SLC5A8: variants seen among roughly 807,000 people sequenced by gnomAD.
The protein encoded by SLC5A8 is solute carrier family 5 member 8, also known as sodium-coupled monocarboxylate transporter 1.
Under a neutral mutation model 71.9 loss-of-function variants are expected in SLC5A8, and 55 were observed. That is an observed-to-expected ratio of 0.77 (90% CI 0.62 to 0.96). SLC5A8 has a LOEUF of 0.96. SLC5A8 is among the 40% of genes least tolerant of loss of function. The pLI is 0.00. For missense variants in SLC5A8, 701 were observed against 745.3 expected, an observed-to-expected ratio of 0.94 and a Z score of 0.69; for synonymous variants, 307 against 276.1, an observed-to-expected ratio of 1.11 and a Z score of -1.11.
At chr12:101,176,070 TA>T (rs2051877248) in intron 10 of SLC5A8, among the ~76,000 whole-genome samples, 1 of 151,976 alleles carries the variant, frequency 6.6e-6, no homozygotes, top group African/African-American at 2.4e-5. Context: ...GATGGATTTT[TA>T]AAAAAGACTC....
At chr12:101,177,141 A>C (rs74973782) in intron 10 of SLC5A8, among the ~76,000 whole-genome samples, 1 of 152,150 alleles carries the variant, frequency 6.6e-6, no homozygotes, top group Non-Finnish European at 1.5e-5. Flanking sequence ...ACAACTATAC[A>C]TGTATAAATT....
At chr12:101,165,548 G>C (rs953582842) in intron 12 of SLC5A8, among the ~76,000 whole-genome samples, 1 of 152,056 alleles carries the variant, frequency 6.6e-6, no homozygotes, top group Non-Finnish European at 1.5e-5. Flanking sequence ...TACGCCTCAG[G>C]CTCTGGAACT....
At chr12:101,165,400 A>G (rs2051759758) in intron 12 of SLC5A8, among the ~76,000 whole-genome samples, 1 of 152,110 alleles carries the variant, frequency 6.6e-6, no homozygotes, top group Admixed American at 6.5e-5. Flanking sequence ...TTAACCTTCA[A>G]TTAATCTTTT....
intron 3 of SLC5A8, among the ~76,000 whole-genome samples, chr12:101,200,767 T>C (rs968545265): frequency 1.3e-5 from 2 of 152,122 alleles, no homozygotes; most frequent in African/African-American, 4.8e-5. Flanking sequence ...CATGAGTTGA[T>C]AAATATTAAC....
At chr12:101,172,178 C>G (rs1019909489) in intron 10 of SLC5A8, among the ~76,000 whole-genome samples, 6 of 151,796 alleles carry the variant, frequency 4.0e-5, no homozygotes, top group African/African-American at 1.5e-4. Flanking sequence ...CCAAGTGTCT[C>G]TAGGAGGCAC....
intron 11 of SLC5A8, among the ~76,000 whole-genome samples, chr12:101,167,793 C>A (rs2051787307): frequency 6.6e-6 from 1 of 152,126 alleles, no homozygotes; most frequent in African/African-American, 2.4e-5. Flanking sequence ...TCTTTTAAAT[C>A]CTAGCTATTA....
At chr12:101,191,052 C>T (rs910972504) in intron 5 of SLC5A8, among the ~76,000 whole-genome samples, 1 of 152,150 alleles carries the variant, frequency 6.6e-6, no homozygotes, top group African/African-American at 2.4e-5. Flanking sequence ...ATTCCTCTCC[C>T]AGCACATGTA....
rs560512872 is a variant in SLC5A8, at chr12:101,168,095, C to T, written c.1320+1G>A. 2.7e-5 allele frequency: 43 copies of T among 1,604,824 alleles called. No individual in the cohort carries two copies. The highest frequency in any genetic ancestry group is 8.5e-5 in the Admixed American group (5 of 59,100). ...CAAGCATATTCATTCTTTGTACTTA[C>T]AATTGAGTTGGCAAAGGGAACCAAA... On this transcript the variant is annotated splice_donor_variant, in intron 11 of 14. Coordinates refer to ENST00000536262, the MANE Select transcript of SLC5A8 (RefSeq NM_145913.5). LOFTEE classifies it high-confidence loss of function.
intron 1 of SLC5A8, among the ~76,000 whole-genome samples, chr12:101,205,049 C>G (rs1191847744): frequency 6.6e-6 from 1 of 152,204 alleles, no homozygotes; most frequent in African/African-American, 2.4e-5. Flanking sequence ...TTTCTGACTG[C>G]AGACTATTGT....
chr12:101,174,504 T>C (rs1166497715), intron 10 of SLC5A8, among the ~76,000 whole-genome samples: 1 of 152,184 alleles, frequency 6.6e-6, no homozygotes, highest in Admixed American at 6.5e-5. Flanking sequence ...TAGTCCAGGT[T>C]AGTTACCAGC....
rs1178139032 is a variant in SLC5A8 at position 101,175,503 on chromosome 12, A to G, written c.1233+4526T>C. On this transcript the variant is annotated intron_variant, in intron 10 of 14. Transcript: ENST00000536262. ...TTCAAGAAGCTGAGTAACCCTAAAAACATAGGAAAAGAAAGAAACACGTGC... is the reference window on the plus strand; with the variant it reads ...TTCAAGAAGCTGAGTAACCCTAAAAGCATAGGAAAAGAAAGAAACACGTGC... Among the ~76,000 whole-genome samples the G allele has an allele frequency of 5.9e-5, 9 of 152,096 alleles. No homozygotes were observed. The South Asian group carries it at 1.0e-3, about 17-fold the overall frequency.
intron 9 of SLC5A8, 58 bp from the exon 10 acceptor site, chr12:101,180,154 A>G (rs2051918893): frequency 4.0e-6 from 6 of 1,517,810 alleles, no homozygotes; most frequent in Non-Finnish European, 4.6e-6. Context: ...TAGAATTCTC[A>G]ATAGAATAAT....
rs1431842832 is a variant in SLC5A8, at chr12:101,157,191, C to T, written c.*88G>A. Reference sequence around the variant, plus strand: ...CCAAACACTCATGATACAACACACACACACACACAAAGAAAACCTGATCCA... The same window carrying T: ...CCAAACACTCATGATACAACACACATACACACACAAAGAAAACCTGATCCA... On this transcript the variant is annotated 3_prime_UTR_variant, in exon 15 of 15. Coordinates refer to ENST00000536262, the MANE Select transcript of SLC5A8 (RefSeq NM_145913.5). 1.5e-5 allele frequency: 23 copies of T among 1,514,922 alleles called. No homozygotes were observed. The highest frequency in any genetic ancestry group is 2.0e-5 in the Non-Finnish European group (22 of 1,116,670). The allele number at this position is 1,514,922 out of a possible 1,614,324, so 93.8% of individuals were successfully genotyped here.
rs750405775 is a variant in SLC5A8 at position 101,180,053 on chromosome 12, C to CGCCA, written c.1205_1208dup (p.Ser404GlyfsTer66). 6.2e-7 allele frequency: 1 copy of CGCCA among 1,613,990 alleles called. No individual in the cohort carries two copies. The highest frequency in any genetic ancestry group is 8.5e-7 in the Non-Finnish European group (1 of 1,179,940). On this transcript the variant is annotated frameshift_variant, in exon 10 of 15. Transcript: ENST00000536262. LOFTEE classifies it high-confidence loss of function. ...CCTGCAACAAAGCTCCCATAAGTGA[C>CGCCA]GCCAGCGCAGCCATTCCAATACACA...
At chr12:101,158,228 G>C (rs770263618) in intron 14 of SLC5A8, 21 bp downstream of exon 14, 13 of 1,519,028 alleles carry the variant, frequency 8.6e-6, no homozygotes, top group South Asian at 1.2e-5. Flanking sequence ...CCTAACTCAA[G>C]GTAAATGAAA....
chr12:101,159,474 T>A (rs1482060867), intron 13 of SLC5A8, among the ~76,000 whole-genome samples: 1 of 152,186 alleles, frequency 6.6e-6, no homozygotes, highest in African/African-American at 2.4e-5. Context: ...GCCAACCAAG[T>A]CTGTAAGGCC....
At chr12:101,202,865 C>T (rs893246658) in intron 2 of SLC5A8, among the ~76,000 whole-genome samples, 1 of 152,000 alleles carries the variant, frequency 6.6e-6, no homozygotes, top group Non-Finnish European at 1.5e-5. Flanking sequence ...CTTGATCTTT[C>T]AAATATATCC....
chr12:101,182,607 T>C (rs1490642987), intron 9 of SLC5A8, among the ~76,000 whole-genome samples, 196 bp downstream of exon 9: 2 of 152,234 alleles, frequency 1.3e-5, no homozygotes, highest in Admixed American at 6.5e-5. Flanking sequence ...GTCTCCCAAA[T>C]CTTGATTACA....
intron 14 of SLC5A8, among the ~76,000 whole-genome samples, chr12:101,157,928 A>G (rs1242418254): frequency 6.6e-6 from 1 of 152,190 alleles, no homozygotes; most frequent in Non-Finnish European, 1.5e-5. Flanking sequence ...GGGATATACA[A>G]CAGATATAGG....
Sources: gnomAD v4.1 joint callset for allele counts (sites outside exome capture counted in the v4.1 genomes callset) on GRCh38, gnomAD v4.1.1 for gene constraint, MANE v1.5 for transcripts, NCBI Gene and HGNC (gene_info 2026-07-23, HGNC 2026-07-21) for gene names.